The following DMXL2 variants were observed in gnomAD, a reference collection of about 807,000 sequenced individuals.
The protein encoded by DMXL2 is Dmx like 2, also known as dmX-like protein 2.
A neutral mutation model predicts 331.1 loss-of-function variants in DMXL2; 103 were observed. The ratio of observed to expected loss-of-function variants is 0.31; its 90% CI spans 0.27 to 0.37. The LOEUF (loss-of-function observed/expected upper bound fraction) is 0.37, where lower values mean the gene tolerates loss of function less well. Ranked by LOEUF, DMXL2 falls within the 10% of genes least tolerant of loss-of-function variation. DMXL2 has a pLI of 1.00. For missense variants in DMXL2, 3,171 were observed against 3,642.9 expected, an observed-to-expected ratio of 0.87 and a Z score of 3.33; for synonymous variants, 1,281 against 1,252.1, an observed-to-expected ratio of 1.02 and a Z score of -0.49.
intron 8 of DMXL2, among the ~76,000 whole-genome samples, chr15:51,543,304 A>T (rs1234956310): frequency 6.6e-6 from 1 of 152,174 alleles, no homozygotes; most frequent in South Asian, 2.1e-4. Context: ...CCCCACATTC[A>T]ATTAAATAAA....
chr15:51,516,304 T>C (rs571029182), intron 14 of DMXL2, among the ~76,000 whole-genome samples: 2 of 152,330 alleles, frequency 1.3e-5, no homozygotes, highest in East Asian at 3.9e-4. Context: ...AGGGTTCTCC[T>C]TCTTTCCTAG....
At chr15:51,575,000 T>C (rs1035497437) in intron 2 of DMXL2, among the ~76,000 whole-genome samples, 1 of 152,154 alleles carries the variant, frequency 6.6e-6, no homozygotes, top group Non-Finnish European at 1.5e-5. Flanking sequence ...CTCCCCATGT[T>C]TTCTAAACTA....
At chr15:51,485,029 C>CA (rs2042286486) in intron 23 of DMXL2, among the ~76,000 whole-genome samples, 1 of 29,590 alleles carries the variant, frequency 3.4e-5, no homozygotes, top group African/African-American at 1.3e-4. Flanking sequence ...ATAACTCAGG[C>CA]AAACCAAAAA....
At chr15:51,535,199 G>A (rs1455764610) in intron 13 of DMXL2, among the ~76,000 whole-genome samples, 1 of 152,066 alleles carries the variant, frequency 6.6e-6, no homozygotes, top group Non-Finnish European at 1.5e-5. Context: ...ATGACTTCCA[G>A]CTCAGATACA....
chr15:51,565,023 C>T lies in DMXL2; in HGVS notation c.364+65G>A, dbSNP rs11070857. 0.45 allele frequency: 421,017 copies of T among 926,802 alleles called. 100,362 individuals carry two copies. Among genetic ancestry groups the T allele is most frequent in the Non-Finnish European group, 0.49 (320,071 of 653,804 alleles). The allele number at this position is 926,802 out of a possible 1,614,324, so 57.4% of individuals were successfully genotyped here. A position where few individuals can be genotyped will look rare whatever the true frequency, so the allele number is the denominator to read the frequency against. On this transcript the variant is annotated intron_variant, in intron 4 of 43. Transcript: ENST00000560891. ...TTTCTTATTATGGGAGACTATATCA[C>T]ATTATTATCATACATTTAAAACAAA...
At chr15:51,570,990 C>G (rs546587352) in intron 2 of DMXL2, among the ~76,000 whole-genome samples, 1 of 152,198 alleles carries the variant, frequency 6.6e-6, no homozygotes, top group South Asian at 2.1e-4. Flanking sequence ...CACAGACTGG[C>G]AAACTGGATA....
intron 6 of DMXL2, among the ~76,000 whole-genome samples, chr15:51,559,818 G>T (rs558470033): frequency 6.6e-6 from 1 of 152,198 alleles, no homozygotes; most frequent in African/African-American, 2.4e-5. Context: ...CACTGGCTAG[G>T]AGCAACAGGA....
chr15:51,551,518 T>C (rs1183278659), intron 6 of DMXL2, among the ~76,000 whole-genome samples: 1 of 152,210 alleles, frequency 6.6e-6, no homozygotes, highest in African/African-American at 2.4e-5. Context: ...AACCAATTAT[T>C]ATACATTTGA....
intron 36 of DMXL2, among the ~76,000 whole-genome samples, chr15:51,458,222 G>A (rs1250340152): frequency 6.6e-6 from 1 of 152,208 alleles, no homozygotes; most frequent in African/African-American, 2.4e-5. Flanking sequence ...TGTGTCTACT[G>A]TTTTAATTAT....
At chr15:51,598,219 T>C (rs573449268) in intron 1 of DMXL2, among the ~76,000 whole-genome samples, 28 of 152,338 alleles carry the variant, frequency 1.8e-4, no homozygotes, top group Non-Finnish European at 3.8e-4. Flanking sequence ...TGTAAATTTA[T>C]ACAGTTATAC....
rs201424683 is a variant in DMXL2, at chr15:51,510,697, AAT to A, written c.2645-3446_2645-3445del. ...CACAGAATTAGAAAAAAACACTTTA[AAT>A]TTCATATGGAACCAAAAAAGAGCCC... On this transcript the variant is annotated intron_variant, in intron 15 of 43. Transcript: ENST00000560891. 8.8e-3 allele frequency among the ~76,000 whole-genome samples: 1,346 copies of A among 152,300 alleles called. 22 individuals carry two copies. The highest frequency in any genetic ancestry group is 0.031 in the African/African-American group (1,293 of 41,544).
At chr15:51,589,107 C>G (rs1055606613) in intron 1 of DMXL2, among the ~76,000 whole-genome samples, 3 of 152,242 alleles carry the variant, frequency 2.0e-5, no homozygotes, top group Admixed American at 6.5e-5. Flanking sequence ...TGGCTAATAA[C>G]CAGCTGGAAA....
intron 1 of DMXL2, among the ~76,000 whole-genome samples, chr15:51,619,214 A>G (rs1035978118): frequency 2.0e-5 from 3 of 152,232 alleles, no homozygotes; most frequent in African/African-American, 7.2e-5. Context: ...AAAATAAAGT[A>G]TAATAAAGCT....
chr15:51,565,818 T>G (rs1567125902), intron 3 of DMXL2, among the ~76,000 whole-genome samples: 1 of 152,240 alleles, frequency 6.6e-6, no homozygotes, highest in Non-Finnish European at 1.5e-5. Flanking sequence ...AAGCTATATG[T>G]TAACGGCTTG....
At chr15:51,526,580 G>GA (rs1232162342) in intron 13 of DMXL2, among the ~76,000 whole-genome samples, 1 of 152,232 alleles carries the variant, frequency 6.6e-6, no homozygotes, top group Non-Finnish European at 1.5e-5. Context: ...CAATCCTGGA[G>GA]AAACAGAGAT....
intron 16 of DMXL2, among the ~76,000 whole-genome samples, chr15:51,506,022 G>C (rs1413079612): frequency 6.6e-6 from 1 of 152,208 alleles, no homozygotes; most frequent in East Asian, 1.9e-4. Flanking sequence ...ATCTAAATGT[G>C]TACAGCAAAA....
intron 1 of DMXL2, among the ~76,000 whole-genome samples, chr15:51,620,251 C>T (rs1344171786): frequency 5.9e-5 from 9 of 152,102 alleles, no homozygotes; most frequent in Admixed American, 5.9e-4. Context: ...AAAACTGGAT[C>T]AGTGCGCTCA....
intron 1 of DMXL2, 122 bp downstream of exon 1, chr15:51,622,337 C>T: frequency 7.5e-7 from 1 of 1,338,500 alleles, no homozygotes; most frequent in Non-Finnish European, 1.0e-6. Context: ...TGCAAAGGGG[C>T]CACGGGTGGG....
intron 1 of DMXL2, among the ~76,000 whole-genome samples, chr15:51,593,141 C>A (rs556188041): frequency 6.6e-6 from 1 of 152,140 alleles, no homozygotes; most frequent in Non-Finnish European, 1.5e-5. Flanking sequence ...AGAGTCAAGA[C>A]CCATCAGTGT....
Sources: gnomAD v4.1 joint callset for allele counts (sites outside exome capture counted in the v4.1 genomes callset) on GRCh38, gnomAD v4.1.1 for gene constraint, MANE v1.5 for transcripts, NCBI Gene and HGNC (gene_info 2026-07-23, HGNC 2026-07-21) for gene names.